PSAT1: variants seen among roughly 807,000 people sequenced by gnomAD.
PSAT1 encodes phosphoserine aminotransferase 1, also known as phosphoserine aminotransferase.
A neutral mutation model predicts 40.3 loss-of-function variants in PSAT1; 41 were observed. The ratio of observed to expected loss-of-function variants is 1.02; its 90% CI spans 0.79 to 1.32. The LOEUF (loss-of-function observed/expected upper bound fraction) is 1.32. Among genes scored for constraint, PSAT1 ranks in the 40% most tolerant of loss-of-function variants. The pLI is 0.00. For missense variants in PSAT1, 406 were observed against 455.8 expected (o/e 0.89, Z 0.99); for synonymous variants, 147 against 170.5 (o/e 0.86, Z 1.07).
chr9:78,311,403 G>A (rs1828265473), intron 6 of PSAT1, among the ~76,000 whole-genome samples: 1 of 152,152 alleles, frequency 6.6e-6, no homozygotes, highest in South Asian at 2.1e-4. Flanking sequence ...GGAGGGGGCA[G>A]GGAAAGAGTG....
At chr9:78,323,171 G>A (rs57203590) in intron 7 of PSAT1, among the ~76,000 whole-genome samples, 1 of 152,184 alleles carries the variant, frequency 6.6e-6, no homozygotes. Flanking sequence ...GCATTGAGAA[G>A]GATGAAGCGG....
At chr9:78,309,337 A>C (rs1230416797) in intron 6 of PSAT1, among the ~76,000 whole-genome samples, 1 of 152,172 alleles carries the variant, frequency 6.6e-6, no homozygotes, top group Non-Finnish European at 1.5e-5. Context: ...CTGACAGAAC[A>C]TACTGGCTTA....
intron 5 of PSAT1, 81 bp downstream of exon 5, chr9:78,306,567 G>T: frequency 6.4e-7 from 1 of 1,565,816 alleles, no homozygotes; most frequent in South Asian, 1.1e-5. Context: ...AGAGCGGGAA[G>T]AACCATGGGT....
chr9:78,305,038 A>T, intron 4 of PSAT1, 98 bp downstream of exon 4: 1 of 1,071,898 alleles, frequency 9.3e-7, no homozygotes, highest in Non-Finnish European at 1.3e-6. Flanking sequence ...TCCCCTTGAC[A>T]GTGTTAGTTC....
chr9:78,320,256 T>C (rs1405824070), intron 7 of PSAT1, among the ~76,000 whole-genome samples: 1 of 149,742 alleles, frequency 6.7e-6, no homozygotes, highest in African/African-American at 2.5e-5. Context: ...CATCCATCTG[T>C]CCACCCATTC....
intron 7 of PSAT1, among the ~76,000 whole-genome samples, 188 bp downstream of exon 7, chr9:78,317,992 T>C (rs1274331568): frequency 6.6e-6 from 1 of 152,158 alleles, no homozygotes; most frequent in Non-Finnish European, 1.5e-5. Flanking sequence ...TACCTCACCC[T>C]GGGGCTCTCA....
At chr9:78,309,281 C>G (rs910515171) in intron 6 of PSAT1, among the ~76,000 whole-genome samples, 5 of 152,256 alleles carry the variant, frequency 3.3e-5, no homozygotes, top group Non-Finnish European at 7.3e-5. Flanking sequence ...CTGGGCCTCC[C>G]CTGCCTTCAT....
At chr9:78,326,372 T>C (rs1828497467) in intron 7 of PSAT1, among the ~76,000 whole-genome samples, 1 of 152,154 alleles carries the variant, frequency 6.6e-6, no homozygotes, top group Non-Finnish European at 1.5e-5. Context: ...TTGTCTCCTT[T>C]GGTTGCCAGT....
At chr9:78,309,757 G>T (rs1476566796) in intron 6 of PSAT1, among the ~76,000 whole-genome samples, 1 of 152,212 alleles carries the variant, frequency 6.6e-6, no homozygotes, top group Admixed American at 6.5e-5. Context: ...TTCAGGAAGA[G>T]CAGGGTTGCC....
chr9:78,328,355 A>C lies in PSAT1; in HGVS notation c.1007+167A>C, dbSNP rs3758203. Reference sequence around the variant, plus strand: ...GTGCCTTCTTCCTGTTGTTTATGGAACCCTTTGCATAATTCCCCAGCTGAG... The same window carrying C: ...GTGCCTTCTTCCTGTTGTTTATGGACCCCTTTGCATAATTCCCCAGCTGAG... On this transcript the variant is annotated intron_variant, in intron 8 of 8. Transcript: ENST00000376588. 0.11 allele frequency among the ~76,000 whole-genome samples: 16,916 copies of C among 152,018 alleles called. 1,103 individuals are homozygous for C. The highest frequency in any genetic ancestry group is 0.27 in the East Asian group (1,367 of 5,136).
At chr9:78,312,227 A>T (rs1405918401) in intron 6 of PSAT1, among the ~76,000 whole-genome samples, 1 of 152,158 alleles carries the variant, frequency 6.6e-6, no homozygotes, top group Non-Finnish European at 1.5e-5. Flanking sequence ...ACTAACCCCA[A>T]TTAGTGCATA....
chr9:78,298,807 TC>T, intron 1 of PSAT1, among the ~76,000 whole-genome samples: 1 of 152,202 alleles, frequency 6.6e-6, no homozygotes, highest in Admixed American at 6.5e-5. Context: ...AGAGAAGCTT[TC>T]AAACTTCTTT....
chr9:78,307,144 C>A (rs1564014253), intron 5 of PSAT1, among the ~76,000 whole-genome samples: 1 of 152,188 alleles, frequency 6.6e-6, no homozygotes, highest in Non-Finnish European at 1.5e-5. Flanking sequence ...CATCCATCTC[C>A]AGAACTTTTA....
At chr9:78,311,123 C>T (rs1828261360) in intron 6 of PSAT1, among the ~76,000 whole-genome samples, 1 of 152,068 alleles carries the variant, frequency 6.6e-6, no homozygotes, top group Non-Finnish European at 1.5e-5. Context: ...GTCTTACCTC[C>T]CACTCGCCTG....
chr9:78,300,701 C>G (rs1415693841), intron 2 of PSAT1, 39 bp downstream of exon 2: 1 of 1,057,742 alleles, frequency 9.5e-7, no homozygotes, highest in South Asian at 1.6e-5. Flanking sequence ...GTCCATGTTT[C>G]AAAGGAAGCT....
intron 7 of PSAT1, among the ~76,000 whole-genome samples, chr9:78,318,010 G>A (rs1828374522): frequency 6.6e-6 from 1 of 152,076 alleles, no homozygotes; most frequent in African/African-American, 2.4e-5. Context: ...TCAGGCTTTG[G>A]GACCTGTGTC....
intron 2 of PSAT1, among the ~76,000 whole-genome samples, 192 bp from the exon 3 acceptor site, chr9:78,301,762 A>T (rs535625624): frequency 6.6e-6 from 1 of 152,352 alleles, no homozygotes; most frequent in Non-Finnish European, 1.5e-5. Flanking sequence ...ATGACTATAA[A>T]GCTAAAATGT....
intron 1 of PSAT1, among the ~76,000 whole-genome samples, chr9:78,300,239 G>C (rs1236580687): frequency 6.6e-6 from 1 of 152,116 alleles, no homozygotes; most frequent in Non-Finnish European, 1.5e-5. Context: ...TATAATCTGG[G>C]CATAATTTTT....
intron 7 of PSAT1, among the ~76,000 whole-genome samples, chr9:78,324,478 C>G (rs935005631): frequency 1.3e-5 from 2 of 152,124 alleles, no homozygotes; most frequent in Non-Finnish European, 2.9e-5. Flanking sequence ...CTGCCTTGGC[C>G]CCTTCTCCTA....
Sources: gnomAD v4.1 joint callset for allele counts (sites outside exome capture counted in the v4.1 genomes callset) on GRCh38, gnomAD v4.1.1 for gene constraint, MANE v1.5 for transcripts, NCBI Gene and HGNC (gene_info 2026-07-23, HGNC 2026-07-21) for gene names.